The following AGBL4 variants were observed in gnomAD, a reference collection of about 807,000 sequenced individuals.
The protein encoded by AGBL4 is cytosolic carboxypeptidase 6.
A neutral mutation model predicts 66.4 loss-of-function variants in AGBL4; 58 were observed. The ratio of observed to expected loss-of-function variants is 0.87; its 90% CI spans 0.71 to 1.09. The LOEUF (loss-of-function observed/expected upper bound fraction) is 1.09, where lower values mean the gene tolerates loss of function less well. Ranked by LOEUF, AGBL4 falls within the 50% of genes least tolerant of loss-of-function variation. AGBL4 has a pLI of 0.00. For synonymous variants in AGBL4, 234 were observed against 222.9 expected (o/e 1.05, Z -0.44); for missense variants, 579 against 631.0 (o/e 0.92, Z 0.88).
chr1:49,323,772 A>T (rs950106858), intron 3 of AGBL4, among the ~76,000 whole-genome samples: 35 of 148,896 alleles, frequency 2.4e-4, no homozygotes, highest in Non-Finnish European at 1.3e-4. Flanking sequence ...CCGTTTCAGA[A>T]AAAAAAAAAA....
intron 3 of AGBL4, among the ~76,000 whole-genome samples, chr1:49,433,793 A>G (rs1464401418): frequency 6.6e-6 from 1 of 152,138 alleles, no homozygotes; most frequent in Non-Finnish European, 1.5e-5. Context: ...GACTTCACAT[A>G]TTTGTCATGA....
rs149393861 is a variant in AGBL4 at position 49,923,212 on chromosome 1, G to A, written c.35-71694C>T. Among the ~76,000 whole-genome samples, 625 of 152,230 alleles carry A rather than the reference G, an allele frequency of 4.1e-3. 5 individuals carry two copies. The highest frequency in any genetic ancestry group is 7.4e-3 in the Non-Finnish European group (500 of 68,014). ...GACAAACCTGACAAAAACAAGCAAT[G>A]GGGAAAGGACACCCTGTTCAATAAA... On this transcript the variant is annotated intron_variant, in intron 1 of 13. Transcript: ENST00000371839.
intron 6 of AGBL4, among the ~76,000 whole-genome samples, chr1:48,782,527 C>A (rs893712505): frequency 6.6e-6 from 1 of 152,156 alleles, no homozygotes; most frequent in Non-Finnish European, 1.5e-5. Flanking sequence ...AATGATTGAC[C>A]ACATTTTTTC....
chr1:49,619,147 G>C (rs531979159), intron 3 of AGBL4, among the ~76,000 whole-genome samples: 9 of 151,976 alleles, frequency 5.9e-5, no homozygotes, highest in African/African-American at 1.2e-4. Flanking sequence ...AGAAATAAAG[G>C]GTATTCAAAT....
intron 2 of AGBL4, among the ~76,000 whole-genome samples, chr1:49,767,083 A>C (rs1303866031): frequency 2.0e-5 from 3 of 152,136 alleles, no homozygotes; most frequent in Non-Finnish European, 4.4e-5. Context: ...TCTGCACATA[A>C]ATTTAACACT....
Position 48,759,006 on chromosome 1 carries a change from T to C in AGBL4, c.635-95765A>G, listed in dbSNP as rs369197717. 8.1e-6 allele frequency: 13 copies of C among 1,614,026 alleles called. No homozygotes were observed. In the African/African-American group the frequency reaches 9.3e-5, roughly 12 times the overall value. Reference sequence around the variant, plus strand: ...CGTACTCCTTGAGCTTCTTGGCCTGTTGTACCAGCTGCCTCCGAGTCCGCT... The same window carrying C: ...CGTACTCCTTGAGCTTCTTGGCCTGCTGTACCAGCTGCCTCCGAGTCCGCT... On this transcript the variant is annotated intron_variant, in intron 6 of 13. Coordinates refer to ENST00000371839, the MANE Select transcript of AGBL4 (RefSeq NM_032785.4).
At chr1:49,104,739 A>G (rs1645262266) in intron 4 of AGBL4, among the ~76,000 whole-genome samples, 1 of 152,166 alleles carries the variant, frequency 6.6e-6, no homozygotes, top group East Asian at 1.9e-4. Flanking sequence ...CTCCTATAAT[A>G]CATCACTCTA....
At chr1:49,582,978 A>G (rs1394268439) in intron 3 of AGBL4, among the ~76,000 whole-genome samples, 2 of 152,174 alleles carry the variant, frequency 1.3e-5, no homozygotes, top group African/African-American at 4.8e-5. Context: ...AGAAATATAT[A>G]TATTTGGTCT....
intron 9 of AGBL4, among the ~76,000 whole-genome samples, chr1:48,623,280 AG>A (rs1255051668): frequency 2.6e-5 from 4 of 152,242 alleles, no homozygotes; most frequent in African/African-American, 7.2e-5. Context: ...AAGCAAGCCT[AG>A]AAAGACTTGC....
chr1:49,256,272 T>C (rs1652492369), intron 3 of AGBL4, among the ~76,000 whole-genome samples: 1 of 152,006 alleles, frequency 6.6e-6, no homozygotes, highest in Admixed American at 6.6e-5. Context: ...TATCAAAACA[T>C]CACATATACA....
chr1:49,057,430 A>G (rs1644327524), intron 4 of AGBL4, among the ~76,000 whole-genome samples: 2 of 152,196 alleles, frequency 1.3e-5, no homozygotes, highest in Admixed American at 6.5e-5. Flanking sequence ...CAAAAAAGAA[A>G]AAGAAAAAAA....
chr1:49,957,004 G>T (rs1337256406), intron 1 of AGBL4, among the ~76,000 whole-genome samples: 6 of 151,904 alleles, frequency 3.9e-5, no homozygotes, highest in African/African-American at 1.4e-4. Context: ...ATCAAAGCAA[G>T]ACTTTTAGAA....
intron 6 of AGBL4, among the ~76,000 whole-genome samples, chr1:48,787,949 A>G (rs1645448232): frequency 6.6e-6 from 1 of 152,210 alleles, no homozygotes; most frequent in African/African-American, 2.4e-5. Context: ...GTCTCCAACC[A>G]CTAAGCTCTG....
intron 2 of AGBL4, chr1:49,842,252 GATGTA>G (rs758686625): frequency 6.8e-6 from 3 of 443,854 alleles, no homozygotes; most frequent in East Asian, 6.1e-5. Context: ...CCTGTACTAT[GATGTA>G]ATGCTGGACG....
At chr1:49,292,355 G>C (rs1023574773) in intron 3 of AGBL4, among the ~76,000 whole-genome samples, 3 of 152,190 alleles carry the variant, frequency 2.0e-5, no homozygotes, top group African/African-American at 4.8e-5. Context: ...AAGGGGCCAG[G>C]TCCCCAGTTA....
intron 3 of AGBL4, among the ~76,000 whole-genome samples, chr1:49,306,181 C>G (rs241472): frequency 6.6e-6 from 1 of 151,988 alleles, no homozygotes; most frequent in African/African-American, 2.4e-5. Context: ...CTGCATATTT[C>G]CTGGTTCCAA....
intron 6 of AGBL4, among the ~76,000 whole-genome samples, chr1:48,711,195 G>A (rs954817411): frequency 1.3e-5 from 2 of 152,208 alleles, no homozygotes; most frequent in Non-Finnish European, 2.9e-5. Flanking sequence ...CAAAGGCTGG[G>A]CTGCACTCTT....
intron 6 of AGBL4, among the ~76,000 whole-genome samples, chr1:48,824,218 C>G (rs1437558537): frequency 6.6e-6 from 1 of 152,088 alleles, no homozygotes; most frequent in Non-Finnish European, 1.5e-5. Context: ...ATGGGGGAGT[C>G]ATATATAAGA....
At chr1:49,225,022 T>C (rs559690862) in intron 4 of AGBL4, among the ~76,000 whole-genome samples, 1 of 152,308 alleles carries the variant, frequency 6.6e-6, no homozygotes, top group African/African-American at 2.4e-5. Flanking sequence ...GGGAAAGTTA[T>C]TAAAAGGAAA....
Sources: allele counts gnomAD v4.1 joint callset (sites outside exome capture counted in the v4.1 genomes callset), GRCh38; gene constraint gnomAD v4.1.1; transcripts MANE v1.5; gene names NCBI Gene and HGNC (gene_info 2026-07-23, HGNC 2026-07-21).